PTH2R: variants seen among roughly 807,000 people sequenced by gnomAD.
PTH2R encodes parathyroid hormone 2 receptor.
PTH2R carries 59 observed loss-of-function variants against 60.3 expected under a neutral mutation model. The ratio of observed to expected loss-of-function variants is 0.98; its 90% CI spans 0.79 to 1.22. PTH2R has a LOEUF of 1.22. Ranked by LOEUF, PTH2R falls within the 50% of genes most tolerant of loss-of-function variation. The pLI is 0.00. For missense variants in PTH2R, 749 were observed against 682.6 expected (o/e 1.10, Z -1.08); for synonymous variants, 256 against 243.8 (o/e 1.05, Z -0.47).
intron 9 of PTH2R, among the ~76,000 whole-genome samples, chr2:208,464,740 A>G (rs1702707423): frequency 1.3e-5 from 2 of 152,144 alleles, no homozygotes; most frequent in African/African-American, 2.4e-5. Context: ...TAGACTGGGC[A>G]TGGTGGCTCA....
chr2:208,460,296 TGGTAGTA>T (rs1454669191), intron 9 of PTH2R, among the ~76,000 whole-genome samples: 3 of 152,152 alleles, frequency 2.0e-5, no homozygotes, highest in Non-Finnish European at 4.4e-5. Context: ...TCTGATCACC[TGGTAGTA>T]GGTCAGTGTG....
At chr2:208,435,490 A>G (rs769770040) in intron 2 of PTH2R, among the ~76,000 whole-genome samples, 4 of 152,220 alleles carry the variant, frequency 2.6e-5, no homozygotes, top group Non-Finnish European at 5.9e-5. Context: ...CAAAAGAATC[A>G]GAGTTGAAGC....
At chr2:208,379,296 G>C (rs965700915) in intron 1 of PTH2R, among the ~76,000 whole-genome samples, 5 of 152,152 alleles carry the variant, frequency 3.3e-5, no homozygotes, top group South Asian at 2.1e-4. Flanking sequence ...GGACACAAAA[G>C]AGTCAGGGTA....
Position 208,437,871 on chromosome 2 carries a change from G to A in PTH2R, c.401G>A (p.Ser134Asn), listed in dbSNP as rs1266180718. The A allele has an allele frequency of 6.2e-7, 1 of 1,612,250 alleles. No individual in the cohort carries two copies. The highest frequency in any genetic ancestry group is 8.5e-7 in the Non-Finnish European group (1 of 1,178,488). Residue 134 changes from serine to asparagine, a missense_variant, in exon 4 of 13, where the codon AGC (serine) becomes AAC (asparagine). Transcript: ENST00000272847. ...CTTCGCTTTCTGCAGCCAGATATCA[G>A]CATAGGAAAGGTAATGGAATTTCTC... ...DCLRFLQPDISIGKQEFFERL... is the reference protein window; with the variant it reads ...DCLRFLQPDINIGKQEFFERL...
At chr2:208,443,046 G>C (rs1415954022) in intron 5 of PTH2R, among the ~76,000 whole-genome samples, 2 of 152,066 alleles carry the variant, frequency 1.3e-5, no homozygotes, top group Non-Finnish European at 2.9e-5. Context: ...TATTTTTTGG[G>C]TCATTTTTCT....
chr2:208,443,028 T>C (rs1344254978), intron 5 of PTH2R, among the ~76,000 whole-genome samples: 2 of 152,216 alleles, frequency 1.3e-5, no homozygotes, highest in Non-Finnish European at 2.9e-5. Context: ...ACTGAACATT[T>C]ACATACTTAT....
chr2:208,406,902 G>A lies in PTH2R; in HGVS notation c.-142G>A, dbSNP rs1701423154. ...CGGCGACAAGACCCCAAGCACCCTC[G>A]GCCGGTGGCCCGGGCCCGACCACCC... is the stretch of plus-strand genomic sequence containing the variant. On this transcript the variant is annotated 5_prime_UTR_variant, in exon 1 of 13. Transcript: ENST00000272847. 1.2e-5 allele frequency: 7 copies of A among 570,616 alleles called. No homozygotes were observed. Among genetic ancestry groups the A allele is most frequent in the Non-Finnish European group, 2.0e-5 (7 of 354,630 alleles). The allele number at this position is 570,616 out of a possible 1,614,324, so 35.3% of individuals were successfully genotyped here. A position where few individuals can be genotyped will look rare whatever the true frequency, so the allele number is the denominator to read the frequency against.
chr2:208,402,045 A>G (rs994897387), upstream of PTH2R, among the ~76,000 whole-genome samples: 9 of 152,184 alleles, frequency 5.9e-5, no homozygotes, highest in African/African-American at 1.9e-4. Context: ...TTGCAATGCC[A>G]TGTCTTAGCC....
chr2:208,492,207 T>C (rs963649892), intron 12 of PTH2R, among the ~76,000 whole-genome samples: 2 of 152,236 alleles, frequency 1.3e-5, no homozygotes, highest in South Asian at 4.1e-4. Context: ...AGCCTTCTTT[T>C]CTCACTCTGA....
intron 1 of PTH2R, among the ~76,000 whole-genome samples, chr2:208,366,061 C>G (rs72984883): frequency 0.011 from 1,492 of 134,524 alleles, 16 homozygotes; most frequent in Non-Finnish European, 0.016. Context: ...CTCAAGTGAA[C>G]CTCTCACCTC....
intron 1 of PTH2R, among the ~76,000 whole-genome samples, chr2:208,363,379 G>T (rs1438981756): frequency 3.9e-5 from 6 of 152,130 alleles, no homozygotes; most frequent in African/African-American, 1.4e-4. Flanking sequence ...TATAGCTGTG[G>T]TGTATATGTA....
At chr2:208,392,631 G>A (rs1316650894) in intron 1 of PTH2R, among the ~76,000 whole-genome samples, 1 of 152,166 alleles carries the variant, frequency 6.6e-6, no homozygotes, top group Non-Finnish European at 1.5e-5. Context: ...TATGTAAATA[G>A]TAAGCCCCCA....
At chr2:208,451,498 T>G (rs964073819) in intron 8 of PTH2R, among the ~76,000 whole-genome samples, 1 of 152,158 alleles carries the variant, frequency 6.6e-6, no homozygotes, top group East Asian at 1.9e-4. Context: ...TTCCTTTGTA[T>G]CAGGGATTGT....
Position 208,443,478 on chromosome 2 carries a change from A to G in PTH2R, c.640A>G (p.Ile214Val). Reference sequence around the variant, plus strand: ...AGGAGTAAAGGAGCTGGAGTCCCTAATAATGCAGGATGACCCACAAAATTC... The same window carrying G: ...AGGAGTAAAGGAGCTGGAGTCCCTAGTAATGCAGGATGACCCACAAAATTC... ...HIGVKELESLIMQDDPQNSIE... is the reference protein window; with the variant it reads ...HIGVKELESLVMQDDPQNSIE... Residue 214 changes from isoleucine to valine, a missense_variant, in exon 6 of 13, where the codon ATA becomes GTA. Ile to Val is a conservative substitution (Grantham distance 29, BLOSUM62 3). Coordinates refer to ENST00000272847, the MANE Select transcript of PTH2R (RefSeq NM_005048.4). The G allele has an allele frequency of 6.2e-7, 1 of 1,613,412 alleles. No individual in the cohort carries two copies. The highest frequency in any genetic ancestry group is 2.2e-5 in the East Asian group (1 of 44,856).
intron 9 of PTH2R, among the ~76,000 whole-genome samples, chr2:208,463,871 G>A (rs1303419502): frequency 6.6e-6 from 1 of 152,226 alleles, no homozygotes; most frequent in Non-Finnish European, 1.5e-5. Flanking sequence ...CCCCTAGGAT[G>A]ACACCATGAT....
In PTH2R at chr2:208,493,553, ATAGTGGG is replaced by A; in HGVS notation, c.1548_1554del (p.Asp516GlufsTer8). The stretch of plus-strand genomic sequence containing the variant: ...TCTTTCCACGAGGAGACCAAGGAAG[ATAGTGGG>A]AGGCAGGGAGATGATATTCTAATGG... On this transcript the variant is annotated frameshift_variant, in exon 13 of 13. Coordinates refer to ENST00000272847, the MANE Select transcript of PTH2R (RefSeq NM_005048.4). LOFTEE classifies it low-confidence loss of function (END_TRUNC). 2.5e-6 allele frequency: 4 copies of A among 1,613,874 alleles called. No individual in the cohort carries two copies. The highest frequency in any genetic ancestry group is 2.5e-6 in the Non-Finnish European group (3 of 1,179,818).
At chr2:208,469,031 A>G (rs1480902552) in intron 9 of PTH2R, among the ~76,000 whole-genome samples, 1 of 152,232 alleles carries the variant, frequency 6.6e-6, no homozygotes, top group African/African-American at 2.4e-5. Context: ...CAATCTTTTC[A>G]ATTTCTAGAG....
chr2:208,406,881 G>A lies in PTH2R; in HGVS notation c.-163G>A, dbSNP rs1015257898. The A allele has an allele frequency of 2.1e-6, 1 of 476,294 alleles. No individual in the cohort carries two copies. 29.5% of individuals were successfully genotyped at this position (476,294 alleles called of 1,614,324 possible). On this transcript the variant is annotated 5_prime_UTR_variant, in exon 1 of 13. Transcript: ENST00000272847. ...GTTCTGAGAAGCGCGTGGCTCCGGC[G>A]ACAAGACCCCAAGCACCCTCGGCCG...
Position 208,437,483 on chromosome 2 carries a change from G to A in PTH2R, c.179-54G>A, listed in dbSNP as rs1702096710. 9 of 1,467,424 alleles carry A rather than the reference G, an allele frequency of 6.1e-6. No homozygotes were observed. In the East Asian group the frequency reaches 2.1e-4, roughly 34 times the overall value. 90.9% of individuals were successfully genotyped at this position (1,467,424 alleles called of 1,614,324 possible). On this transcript the variant is annotated intron_variant, in intron 2 of 12. Transcript: ENST00000272847. ...TGTTTTTTGAATGCATTTGTTCTCT[G>A]GTTCTAACTACATTTTTCTTTGTTT...
Sources: allele counts gnomAD v4.1 joint callset (sites outside exome capture counted in the v4.1 genomes callset), GRCh38; gene constraint gnomAD v4.1.1; transcripts MANE v1.5; gene names NCBI Gene and HGNC (gene_info 2026-07-23, HGNC 2026-07-21).